MSLN: variants seen among roughly 807,000 people sequenced by gnomAD.
The protein encoded by MSLN is mesothelin.
Under a neutral mutation model 72.6 loss-of-function variants are expected in MSLN, and 82 were observed. The observed-to-expected ratio is 1.13, with a 90% CI of 0.94 to 1.36. The LOEUF is 1.36. Ranked by LOEUF, MSLN falls within the 40% of genes most tolerant of loss-of-function variation. The pLI, the probability that MSLN is intolerant of heterozygous loss-of-function variation, is 0.00. For synonymous variants in MSLN, 456 were observed against 387.3 expected, an observed-to-expected ratio of 1.18 and a Z score of -2.08; for missense variants, 1,005 against 847.9, an observed-to-expected ratio of 1.19 and a Z score of -2.30.
chr16:767,001 A>G lies in MSLN; in HGVS notation c.1490A>G (p.Gln497Arg). ...MNGSEYFVKI[Q>R]SFLGGAPTED... Reference sequence around the variant, plus strand: ...GGGTCCGAATACTTCGTGAAGATCCAGTCCTTCCTGGGTGAGCCAGGGAGT... The same window carrying G: ...GGGTCCGAATACTTCGTGAAGATCCGGTCCTTCCTGGGTGAGCCAGGGAGT... Residue 497 changes from glutamine (Q) to arginine (R), a missense_variant, in exon 15 of 18, where the codon CAG (glutamine) becomes CGG (arginine). Physicochemically the swap from Gln to Arg is conservative, Grantham distance 43. Coordinates refer to ENST00000545450, the MANE Select transcript of MSLN (RefSeq NM_005823.6). 1 of 1,612,640 alleles carries G rather than the reference A, an allele frequency of 6.2e-7. No homozygotes were observed. Among genetic ancestry groups the G allele is most frequent in the Non-Finnish European group, 8.5e-7 (1 of 1,179,858 alleles).
In MSLN at chr16:765,009, G is replaced by A; in HGVS notation, c.483G>A (p.Arg161=). 6.2e-7 allele frequency: 1 copy of A among 1,611,574 alleles called. No individual in the cohort carries two copies. Among genetic ancestry groups the A allele is most frequent in the East Asian group, 2.2e-5 (1 of 44,880 alleles). The change falls in exon 8 of 18, where the codon CGG becomes CGA. Residue 161 remains arginine, a synonymous_variant. Transcript: ENST00000545450. The part of the protein sequence containing the change: ...LLPRGAPERQ[R]LLPAALACWG... ...CGAGGGGGGCTCCCGAGCGACAGCG[G>A]CTGCTGCCTGCGGCTCTGGCCTGCT...
In MSLN at chr16:764,726, A is replaced by G; in HGVS notation, c.380A>G (p.Asn127Ser). 6.2e-7 allele frequency: 1 copy of G among 1,609,640 alleles called. No homozygotes were observed. Among genetic ancestry groups the G allele is most frequent in the South Asian group, 1.1e-5 (1 of 90,978 alleles). ...ALPLDLLLFL[N>S]PDAFSGPQAC... is the part of the protein sequence containing the mutation. ...CCATTGGACCTGCTGCTATTCCTCA[A>G]GTAGGCCCTGCCCCCTGAACCCACC... The change falls in exon 7 of 18, where the codon AAC becomes AGC. Residue 127 changes from asparagine to serine, a missense_variant and splice_region_variant. By Grantham distance (46) the Asn-to-Ser change is conservative. Coordinates refer to ENST00000545450, the MANE Select transcript of MSLN (RefSeq NM_005823.6).
At position 765,768 on chromosome 16, in the gene MSLN, G is replaced by A. The variant is rs373218961; in HGVS notation, c.873G>A (p.Pro291=). 2.3e-5 allele frequency: 37 copies of A among 1,599,558 alleles called. No homozygotes were observed. The highest frequency in any genetic ancestry group is 1.7e-4 in the African/African-American group (13 of 74,930). The change falls in exon 11 of 18, where the codon CCG becomes CCA. Residue 291 remains proline, a synonymous_variant. Transcript: ENST00000545450. Reference sequence around the variant, plus strand: ...AGCCTGAACGGACCATCCTCCGGCCGCGGTTCCGGCGGGAAGTGGAGAGTG... The same window carrying A: ...AGCCTGAACGGACCATCCTCCGGCCACGGTTCCGGCGGGAAGTGGAGAGTG... ...WRQPERTILR[P]RFRREVEKTA...
At position 762,651 on chromosome 16, in the gene MSLN, CT is replaced by C; in HGVS notation, c.-9-20del. 8 of 1,587,770 alleles carry C rather than the reference CT, an allele frequency of 5.0e-6. No homozygotes were observed. The highest frequency in any genetic ancestry group is 6.9e-6 in the Non-Finnish European group (8 of 1,157,404). ...TGGGGTGGGAGCAGGGGGTCCCATC[CT>C]GAGTCACTGCCCTCCACAGACACAG... On this transcript the variant is annotated intron_variant, in intron 2 of 17. Coordinates refer to ENST00000545450, the MANE Select transcript of MSLN (RefSeq NM_005823.6).
intron 3 of MSLN, 67 bp from the exon 4 acceptor site, chr16:763,166 T>C: frequency 1.8e-6 from 2 of 1,089,058 alleles, no homozygotes; most frequent in Non-Finnish European, 1.3e-6. Context: ...GCCTCCTTCC[T>C]CCCCTGGGTC....
Position 765,541 on chromosome 16 carries a change from G to T in MSLN, c.719G>T (p.Trp240Leu). The T allele has an allele frequency of 6.2e-7, 1 of 1,606,746 alleles. No homozygotes were observed. Among genetic ancestry groups the T allele is most frequent in the Non-Finnish European group, 8.5e-7 (1 of 1,179,240 alleles). Reference protein sequence around the residue: ...GGPPYGPPSTWSVSTMDALRG... With the variant: ...GGPPYGPPSTLSVSTMDALRG... ...TGTCTGCACAGCCCCCCGTCGACAT[G>T]GTCTGTCTCCACGATGGACGCTCTG... Residue 240 changes from tryptophan (W) to leucine (L), a missense_variant, in exon 10 of 18, where the codon TGG (tryptophan) becomes TTG (leucine). Coordinates refer to ENST00000545450, the MANE Select transcript of MSLN (RefSeq NM_005823.6).
At chr16:767,277 G>C (rs748234990) in intron 15 of MSLN, 99 bp from the exon 16 acceptor site, 216 of 1,225,186 alleles carry the variant, frequency 1.8e-4, no homozygotes, top group Non-Finnish European at 2.5e-4. Context: ...TAAGGAAAAA[G>C]GGAAGCCCTG....
intron 4 of MSLN, 22 bp downstream of exon 4, chr16:763,298 C>G: frequency 6.5e-7 from 1 of 1,534,426 alleles, no homozygotes; most frequent in Non-Finnish European, 8.8e-7. Context: ...TCTGGGGAAA[C>G]AGGGGAGGGT....
chr16:764,683 G>T lies in MSLN; in HGVS notation c.337G>T (p.Glu113Ter). ...CLAHRLSEPP[E>*]DLDALPLDLL... ...GGCTCACCGGCTCTCTGAGCCCCCCGAGGACCTGGACGCCCTCCCATTGGA... is the reference window on the plus strand; with the variant it reads ...GGCTCACCGGCTCTCTGAGCCCCCCTAGGACCTGGACGCCCTCCCATTGGA... The change falls in exon 7 of 18, where the codon GAG becomes TAG. Residue 113 changes from glutamate (E) to a stop codon, truncating the protein, a stop_gained. Coordinates refer to ENST00000545450, the MANE Select transcript of MSLN (RefSeq NM_005823.6). LOFTEE classifies it high-confidence loss of function. The T allele has an allele frequency of 6.2e-7, 1 of 1,612,374 alleles. No individual in the cohort carries two copies. Among genetic ancestry groups the T allele is most frequent in the Non-Finnish European group, 8.5e-7 (1 of 1,179,814 alleles).
chr16:765,413 C>A (rs7205754), intron 9 of MSLN, 110 bp downstream of exon 9: 144,216 of 1,408,636 alleles, frequency 0.1, 26,119 homozygotes, highest in African/African-American at 0.73. Flanking sequence ...CCCCCGCCAC[C>A]ACCCCTGCCA....
At chr16:764,599 G>T (rs1254554356) in intron 6 of MSLN, 48 bp from the exon 7 acceptor site, 1 of 1,519,288 alleles carries the variant, frequency 6.6e-7, no homozygotes, top group Non-Finnish European at 9.1e-7. Flanking sequence ...GGCCCACCAT[G>T]TGAGTGGCGG....
In MSLN at chr16:768,717, C is replaced by T. The variant is rs1289727894; in HGVS notation, c.1853C>T (p.Ala618Val). Residue 618 changes from alanine (A) to valine (V), a missense_variant, in exon 18 of 18, where the codon GCC (alanine) becomes GTC (valine). By Grantham distance (64) the Ala-to-Val change is moderately conservative. Coordinates refer to ENST00000545450, the MANE Select transcript of MSLN (RefSeq NM_005823.6). ...CTCACCGTCCTGGCACTGCTCCTAG[C>T]CTCCACCCTGGCCTGAGGGCCCCAC... Reference protein sequence around the residue: ...PVLTVLALLLASTLA With the variant: ...PVLTVLALLLVSTLA The T allele has an allele frequency of 1.2e-6, 2 of 1,610,860 alleles. No individual in the cohort carries two copies. The highest frequency in any genetic ancestry group is 8.5e-7 in the Non-Finnish European group (1 of 1,179,554).
Position 763,977 on chromosome 16 carries a change from G to A in MSLN, c.180-46G>A. The A allele has an allele frequency of 1.9e-6, 3 of 1,588,972 alleles. 1 individual carries two copies. The South Asian group carries it at 3.3e-5, about 18-fold the overall frequency. ...GCTTGGGGAGCACTGGGTGGACATTGCAGGGGAGGGGCGATCGTGGGTGCC... is the reference window on the plus strand; with the variant it reads ...GCTTGGGGAGCACTGGGTGGACATTACAGGGGAGGGGCGATCGTGGGTGCC... On this transcript the variant is annotated intron_variant, in intron 5 of 17. Transcript: ENST00000545450.
chr16:766,774 C>T lies in MSLN; in HGVS notation c.1337C>T (p.Pro446Leu), dbSNP rs764592777. 21 of 1,612,610 alleles carry T rather than the reference C, an allele frequency of 1.3e-5. No homozygotes were observed. Among genetic ancestry groups the T allele is most frequent in the South Asian group, 9.9e-5 (9 of 91,070 alleles). Residue 446 changes from proline to leucine, a missense_variant, in exon 14 of 18, where the codon CCC becomes CTC. Pro to Leu is a moderately conservative substitution (Grantham distance 98, BLOSUM62 -3). Coordinates refer to ENST00000545450, the MANE Select transcript of MSLN (RefSeq NM_005823.6). ...FYPGYLCSLS[P>L]EELSSVPPSS... ...CCTGGGTACCTGTGCTCCCTCAGCC[C>T]CGAGGAGCTGAGCTCCGTGCCCCCC...
At position 765,000 on chromosome 16, in the gene MSLN, G is replaced by A; in HGVS notation, c.474G>A (p.Glu158=). 6.2e-7 allele frequency: 1 copy of A among 1,612,122 alleles called. No homozygotes were observed. The highest frequency in any genetic ancestry group is 1.1e-5 in the South Asian group (1 of 91,056). ...NVDLLPRGAP[E]RQRLLPAALA... is the part of the protein sequence containing the mutation. ...ACCTGCTCCCGAGGGGGGCTCCCGA[G>A]CGACAGCGGCTGCTGCCTGCGGCTC... Residue 158 remains glutamate, a synonymous_variant, in exon 8 of 18, where the codon GAG becomes GAA. Coordinates refer to ENST00000545450, the MANE Select transcript of MSLN (RefSeq NM_005823.6).
intron 11 of MSLN, 131 bp downstream of exon 11, chr16:765,921 G>A: frequency 6.1e-6 from 8 of 1,319,578 alleles, no homozygotes; most frequent in Non-Finnish European, 8.3e-6. Context: ...AGAGTGGACA[G>A]AATCCCTGTT....
At chr16:761,639 C>T (rs2041538354) in intron 2 of MSLN, among the ~76,000 whole-genome samples, 1 of 151,050 alleles carries the variant, frequency 6.6e-6, no homozygotes, top group Non-Finnish European at 1.5e-5. Flanking sequence ...TGGGGGGGGT[C>T]TGTTTTCTTC....
chr16:766,213 C>A lies in MSLN; in HGVS notation c.1050C>A (p.Asp350Glu). ...TCCCCTTCACCTACGAGCAGCTGGA[C>A]GTCCTAAAGCATAAACTGGATGAGG... is the stretch of plus-strand genomic sequence containing the variant. The part of the protein sequence containing the change: ...NAIPFTYEQL[D>E]VLKHKLDELY... The change falls in exon 12 of 18, where the codon GAC (aspartate) becomes GAA (glutamate). Residue 350 changes from aspartate to glutamate, a missense_variant. Transcript: ENST00000545450. 1 of 1,611,512 alleles carries A rather than the reference C, an allele frequency of 6.2e-7. No homozygotes were observed. Among genetic ancestry groups the A allele is most frequent in the Non-Finnish European group, 8.5e-7 (1 of 1,178,862 alleles).
Position 762,746 on chromosome 16 carries a change from G to C in MSLN, c.66G>C (p.Leu22=). Residue 22 remains leucine (L), a synonymous_variant, in exon 3 of 18, where the codon CTG becomes CTC. Coordinates refer to ENST00000545450, the MANE Select transcript of MSLN (RefSeq NM_005823.6). The part of the protein sequence containing the change: ...SCGTPALGSL[L]FLLFSLGWVQ... ...GGACCCCCGCCCTCGGCAGCCTCCT[G>C]TTCCTGCTCTTCAGCCTCGGTGCGT... The C allele has an allele frequency of 6.3e-7, 1 of 1,598,358 alleles. No homozygotes were observed. The highest frequency in any genetic ancestry group is 8.5e-7 in the Non-Finnish European group (1 of 1,174,000).
Sources: gnomAD v4.1 joint callset for allele counts (sites outside exome capture counted in the v4.1 genomes callset) on GRCh38, gnomAD v4.1.1 for gene constraint, MANE v1.5 for transcripts, NCBI Gene and HGNC (gene_info 2026-07-23, HGNC 2026-07-21) for gene names.